The following SLC35F1 variants were observed in gnomAD, a reference collection of about 807,000 sequenced individuals.
SLC35F1 encodes the protein chromosome 6 open reading frame 169.
A neutral mutation model predicts 48.7 loss-of-function variants in SLC35F1; 14 were observed. The observed-to-expected ratio is 0.29, with a 90% confidence interval of 0.19 to 0.45. SLC35F1 has a LOEUF of 0.45. Ranked by LOEUF, SLC35F1 falls within the 20% of genes least tolerant of loss-of-function variation. The pLI is 1.00. For synonymous variants in SLC35F1, 190 were observed against 202.2 expected (o/e 0.94, Z 0.51); for missense variants, 404 against 500.0 (o/e 0.81, Z 1.83).
At chr6:118,051,593 G>A (rs1772393026) in intron 1 of SLC35F1, among the ~76,000 whole-genome samples, 1 of 152,156 alleles carries the variant, frequency 6.6e-6, no homozygotes, top group Non-Finnish European at 1.5e-5. Flanking sequence ...ATGAAAAAAT[G>A]TAAAATAAAT....
intron 1 of SLC35F1, among the ~76,000 whole-genome samples, chr6:118,073,648 G>A (rs955919946): frequency 6.6e-6 from 1 of 152,074 alleles, no homozygotes; most frequent in Non-Finnish European, 1.5e-5. Flanking sequence ...ATCAAAATGA[G>A]ATTTATAAGT....
At chr6:118,027,094 C>T (rs1024683988) in intron 1 of SLC35F1, among the ~76,000 whole-genome samples, 2 of 152,106 alleles carry the variant, frequency 1.3e-5, no homozygotes, top group African/African-American at 4.8e-5. Context: ...TTTACTTAGC[C>T]TAATGCTTTG....
At chr6:118,171,613 T>C (rs1414334207) in intron 2 of SLC35F1, among the ~76,000 whole-genome samples, 2 of 152,198 alleles carry the variant, frequency 1.3e-5, no homozygotes, top group Admixed American at 6.6e-5. Flanking sequence ...CAAGAGTACC[T>C]ATTTCCCCAC....
rs573291546 is a variant in SLC35F1, at chr6:118,045,590, G to A, written c.174-108855G>A. ...CAGTCACATGCACATAAAAGCCCTC[G>A]CAACTGATTCCCGTGTCTTTGGGAT... On this transcript the variant is annotated intron_variant, in intron 1 of 7. Transcript: ENST00000360388. 5.3e-5 allele frequency among the ~76,000 whole-genome samples: 8 copies of A among 152,196 alleles called. No individual in the cohort carries two copies. In the South Asian group the frequency reaches 8.3e-4, roughly 16 times the overall value.
chr6:118,230,600 A>G (rs2114576672), intron 2 of SLC35F1, among the ~76,000 whole-genome samples: 1 of 152,338 alleles, frequency 6.6e-6, no homozygotes, highest in Non-Finnish European at 1.5e-5. Flanking sequence ...AAAATTTAAA[A>G]ACACATGAAA....
At position 118,316,385 on chromosome 6, in the gene SLC35F1, A is replaced by G. The variant is rs1776438221; in HGVS notation, c.*2133A>G. 1 of 152,614 alleles carries G rather than the reference A, an allele frequency of 6.6e-6. No homozygotes were observed. Among genetic ancestry groups the G allele is most frequent in the African/African-American group, 2.4e-5 (1 of 41,438 alleles). The allele number at this position is 152,614 out of a possible 1,614,324, so 9.5% of individuals were successfully genotyped here. ...AACATCTTCTCTCTGCTACCTTTTAAACCAATTAAATACCTTTCTCTGAAT... is the reference window on the plus strand; with the variant it reads ...AACATCTTCTCTCTGCTACCTTTTAGACCAATTAAATACCTTTCTCTGAAT... On this transcript the variant is annotated 3_prime_UTR_variant, in exon 8 of 8. Transcript: ENST00000360388.
intron 1 of SLC35F1, among the ~76,000 whole-genome samples, chr6:118,023,142 T>C (rs930555662): frequency 3.4e-4 from 52 of 152,170 alleles, no homozygotes; most frequent in African/African-American, 1.3e-3. Flanking sequence ...TATGTGGGCT[T>C]GGTAAAATTT....
chr6:118,038,261 G>A (rs1159433314), intron 1 of SLC35F1, among the ~76,000 whole-genome samples: 1 of 151,940 alleles, frequency 6.6e-6, no homozygotes, highest in Non-Finnish European at 1.5e-5. Flanking sequence ...TATTACTGTA[G>A]ATATTTCCCA....
intron 6 of SLC35F1, among the ~76,000 whole-genome samples, chr6:118,279,083 C>G (rs1775951441): frequency 6.6e-6 from 1 of 152,138 alleles, no homozygotes; most frequent in South Asian, 2.1e-4. Flanking sequence ...CCAAAATGGC[C>G]TCCATAGCAC....
intron 7 of SLC35F1, among the ~76,000 whole-genome samples, chr6:118,312,412 T>C (rs1204079973): frequency 6.6e-6 from 1 of 152,244 alleles, no homozygotes; most frequent in African/African-American, 2.4e-5. Context: ...GTCTTCTTTT[T>C]ATACCATTTT....
At chr6:118,130,533 AT>A (rs1254034831) in intron 1 of SLC35F1, among the ~76,000 whole-genome samples, 1 of 152,182 alleles carries the variant, frequency 6.6e-6, no homozygotes, top group Non-Finnish European at 1.5e-5. Flanking sequence ...ACTGAAAAAA[AT>A]ATAGTGTCTT....
rs926493885 is a variant in SLC35F1, at chr6:118,030,078, G to A, written c.173+122179G>A. Among the ~76,000 whole-genome samples the A allele has an allele frequency of 5.9e-5, 9 of 152,164 alleles. No homozygotes were observed. The South Asian group carries it at 8.3e-4, about 14-fold the overall frequency. ...GTGGTCAATTGTAAGGCTGATCAGC[G>A]AGAGATGACATATTAAAGACTTGAA... On this transcript the variant is annotated intron_variant, in intron 1 of 7. Transcript: ENST00000360388.
intron 1 of SLC35F1, among the ~76,000 whole-genome samples, chr6:117,961,003 A>G (rs758432655): frequency 6.6e-6 from 1 of 152,168 alleles, no homozygotes; most frequent in African/African-American, 2.4e-5. Context: ...TACTTAACAT[A>G]GTATTACAAT....
chr6:118,047,420 G>A (rs1447183413), intron 1 of SLC35F1, among the ~76,000 whole-genome samples: 1 of 152,036 alleles, frequency 6.6e-6, no homozygotes, highest in Non-Finnish European at 1.5e-5. Flanking sequence ...GTGTTTCTAG[G>A]GTATTAGGTT....
chr6:118,222,854 G>A (rs1176740002), intron 2 of SLC35F1, among the ~76,000 whole-genome samples: 1 of 152,138 alleles, frequency 6.6e-6, no homozygotes, highest in Non-Finnish European at 1.5e-5. Flanking sequence ...TAGTCTTTGA[G>A]TGCCTCATTG....
intron 1 of SLC35F1, among the ~76,000 whole-genome samples, chr6:118,064,212 G>T (rs911159827): frequency 2.0e-5 from 3 of 152,058 alleles, no homozygotes; most frequent in Non-Finnish European, 2.9e-5. Context: ...GAACAGCATG[G>T]GAAAAACCTG....
At chr6:117,916,616 G>A (rs921283987) in intron 1 of SLC35F1, among the ~76,000 whole-genome samples, 1 of 152,216 alleles carries the variant, frequency 6.6e-6, no homozygotes, top group Non-Finnish European at 1.5e-5. Context: ...GGGGCACCTT[G>A]CCTGAAAGGG....
intron 1 of SLC35F1, among the ~76,000 whole-genome samples, chr6:117,941,100 C>T (rs1416421): frequency 0.76 from 115,925 of 152,118 alleles, 44,398 homozygotes; most frequent in South Asian, 0.89. Context: ...TCTCCTTCTT[C>T]GTTATTTTAA....
chr6:118,128,648 C>T (rs1003468103), intron 1 of SLC35F1, among the ~76,000 whole-genome samples: 7 of 151,978 alleles, frequency 4.6e-5, no homozygotes, highest in African/African-American at 1.4e-4. Context: ...ACATCACACT[C>T]CAGGGACTGT....
Sources: gnomAD v4.1 joint callset for allele counts (sites outside exome capture counted in the v4.1 genomes callset) on GRCh38, gnomAD v4.1.1 for gene constraint, MANE v1.5 for transcripts, NCBI Gene and HGNC (gene_info 2026-07-23, HGNC 2026-07-21) for gene names.